The following ZDHHC7 variants were observed in gnomAD, a reference collection of about 807,000 sequenced individuals.
The protein encoded by ZDHHC7 is zDHHC palmitoyltransferase 7.
In ZDHHC7, 12 loss-of-function variants were observed where a neutral mutation model predicts 34.1. That is an observed-to-expected ratio of 0.35 (90% CI 0.23 to 0.57). ZDHHC7 has a LOEUF of 0.57. ZDHHC7 is among the 20% of genes least tolerant of loss of function. The pLI is 0.84. For synonymous variants in ZDHHC7, 185 were observed against 155.4 expected (o/e 1.19, Z -1.42); for missense variants, 388 against 402.7 (o/e 0.96, Z 0.31).
chr16:85,022,943 G>C, the ZDHHC7 span, among the ~76,000 whole-genome samples: 1 of 152,198 alleles, frequency 6.6e-6, no homozygotes, highest in Non-Finnish European at 1.5e-5. Flanking sequence ...TGTCTTAAAG[G>C]ACAAAGAAAA....
chr16:84,986,900 C>G (rs2072443777), intron 3 of ZDHHC7, among the ~76,000 whole-genome samples: 1 of 152,188 alleles, frequency 6.6e-6, no homozygotes, highest in African/African-American at 2.4e-5. Context: ...AAGACATGAT[C>G]TGTGGAGAGA....
chr16:85,022,183 G>C, the ZDHHC7 span, among the ~76,000 whole-genome samples: 1 of 150,682 alleles, frequency 6.6e-6, no homozygotes, highest in Non-Finnish European at 1.5e-5. Flanking sequence ...GGCAAAGACA[G>C]ATACAGGGAA....
chr16:84,985,951 TCA>T (rs2072430773), intron 3 of ZDHHC7, among the ~76,000 whole-genome samples: 1 of 34,888 alleles, frequency 2.9e-5, no homozygotes. Context: ...TGAGACTGTC[TCA>T]AAAAAAAAAA....
intron 4 of ZDHHC7, 21 bp downstream of exon 4, chr16:84,981,849 T>G (rs2072373322): frequency 1.2e-6 from 2 of 1,613,588 alleles, no homozygotes; most frequent in East Asian, 4.5e-5. Context: ...GCGCTCGGGT[T>G]TAATACAGCA....
chr16:84,985,807 T>C (rs933455876), intron 3 of ZDHHC7, among the ~76,000 whole-genome samples: 11 of 151,850 alleles, frequency 7.2e-5, no homozygotes, highest in Admixed American at 3.3e-4. Flanking sequence ...ATACAAAAAC[T>C]AGCCGGGCAT....
At chr16:84,988,462 A>G (rs936781752) in intron 3 of ZDHHC7, among the ~76,000 whole-genome samples, 1 of 152,180 alleles carries the variant, frequency 6.6e-6, no homozygotes, top group Non-Finnish European at 1.5e-5. Flanking sequence ...CTCCCTCAGT[A>G]TGTTCCATTC....
intron 1 of ZDHHC7, among the ~76,000 whole-genome samples, chr16:85,001,786 G>C (rs572549176): frequency 2.4e-4 from 37 of 152,218 alleles, no homozygotes; most frequent in Non-Finnish European, 1.5e-5. Context: ...TAGTTGCCCA[G>C]GCTGCTCTTG....
At chr16:84,988,495 C>T (rs575476936) in intron 3 of ZDHHC7, among the ~76,000 whole-genome samples, 1 of 152,184 alleles carries the variant, frequency 6.6e-6, no homozygotes, top group African/African-American at 2.4e-5. Flanking sequence ...AGTAATACAA[C>T]AAGCAAAAGA....
chr16:84,978,906 T>A, intron 5 of ZDHHC7, among the ~76,000 whole-genome samples: 1 of 150,632 alleles, frequency 6.6e-6, no homozygotes. Flanking sequence ...GGAAATAAAC[T>A]CTAACATACT....
At position 84,977,006 on chromosome 16, in the gene ZDHHC7, CCACAGG is replaced by C. The variant is rs1362685452; in HGVS notation, c.750+83_750+88del. On this transcript the variant is annotated intron_variant, in intron 7 of 7. Transcript: ENST00000313732. Reference sequence around the variant, plus strand: ...CGTCCCATTACGTTCCCGAGTCAGTCCACAGGCACCTATTGTTGACATTAGGACTTT... The same window carrying C: ...CGTCCCATTACGTTCCCGAGTCAGTCCACCTATTGTTGACATTAGGACTTT... 3 of 1,557,734 alleles carry C rather than the reference CCACAGG, an allele frequency of 1.9e-6. No homozygotes were observed. The East Asian group carries it at 6.8e-5, about 35-fold the overall frequency.
In ZDHHC7 at chr16:84,990,371, C is replaced by T; in HGVS notation, c.248G>A (p.Gly83Glu). ...SKDFWYSVVN[G>E]VIFNCLAVLA... is the part of the protein sequence containing the mutation. ...CACGGCCAAGCAGTTAAAGATGACC[C>T]CGTTGACCACAGAGTACCAGAAGTC... Residue 83 changes from glycine to glutamate, a missense_variant, in exon 3 of 8, where the codon GGG (glycine) becomes GAG (glutamate). By Grantham distance (98) the Gly-to-Glu change is moderately conservative. Coordinates refer to ENST00000313732, the MANE Select transcript of ZDHHC7 (RefSeq NM_017740.3). 6.2e-7 allele frequency: 1 copy of T among 1,614,062 alleles called. No individual in the cohort carries two copies. Among genetic ancestry groups the T allele is most frequent in the Non-Finnish European group, 8.5e-7 (1 of 1,180,020 alleles).
chr16:85,002,593 GC>G (rs575511728), intron 1 of ZDHHC7, among the ~76,000 whole-genome samples: 89 of 152,202 alleles, frequency 5.8e-4, no homozygotes, highest in Non-Finnish European at 1.2e-3. Flanking sequence ...GCCAAGAGGG[GC>G]TGACGAGATG....
chr16:85,002,888 G>A (rs533002695), intron 1 of ZDHHC7, among the ~76,000 whole-genome samples: 2 of 151,786 alleles, frequency 1.3e-5, no homozygotes, highest in East Asian at 3.9e-4. Context: ...GGCCTATGGA[G>A]ACCGCAAAAT....
chr16:85,017,645 A>G, the ZDHHC7 span, among the ~76,000 whole-genome samples: 1 of 152,188 alleles, frequency 6.6e-6, no homozygotes, highest in Admixed American at 6.5e-5. Context: ...GACACCCAAC[A>G]ACATGAATCA....
intron 3 of ZDHHC7, chr16:84,988,975 G>A: frequency 1.7e-6 from 2 of 1,196,994 alleles, no homozygotes; most frequent in South Asian, 2.7e-5. Flanking sequence ...AACAAACAAG[G>A]GGTTTCTGCT....
chr16:85,008,292 C>A (rs542922057), intron 1 of ZDHHC7, among the ~76,000 whole-genome samples: 2 of 152,122 alleles, frequency 1.3e-5, no homozygotes, highest in East Asian at 3.9e-4. Flanking sequence ...ATCAATCATG[C>A]CTGCATAATG....
Position 84,975,604 on chromosome 16 carries a change from C to T in ZDHHC7, c.*739G>A, listed in dbSNP as rs773188100. On this transcript the variant is annotated 3_prime_UTR_variant, in exon 8 of 8. Coordinates refer to ENST00000313732, the MANE Select transcript of ZDHHC7 (RefSeq NM_017740.3). ...ATTCATAGTAACCACGGGCAGGACC[C>T]CGCGGCTCTCTCCCCTCTTCCCTGA... 1 of 152,678 alleles carries T rather than the reference C, an allele frequency of 6.5e-6. No homozygotes were observed. Among genetic ancestry groups the T allele is most frequent in the Non-Finnish European group, 1.5e-5 (1 of 68,058 alleles). 9.5% of individuals were successfully genotyped at this position (152,678 alleles called of 1,614,324 possible). A position where few individuals can be genotyped will look rare whatever the true frequency, so the allele number is the denominator to read the frequency against.
the ZDHHC7 span, among the ~76,000 whole-genome samples, chr16:85,024,708 T>C: frequency 6.6e-6 from 1 of 152,114 alleles, no homozygotes. Context: ...ACCACCTCAG[T>C]TTCCTCAGAA....
chr16:84,976,630 G>A lies in ZDHHC7; in HGVS notation c.751-111C>T. 4 of 1,407,200 alleles carry A rather than the reference G, an allele frequency of 2.8e-6. No homozygotes were observed. In the South Asian group the frequency reaches 3.9e-5, roughly 14 times the overall value. 87.2% of individuals were successfully genotyped at this position (1,407,200 alleles called of 1,614,324 possible). A position where few individuals can be genotyped will look rare whatever the true frequency, so the allele number is the denominator to read the frequency against. On this transcript the variant is annotated intron_variant, in intron 7 of 7. Transcript: ENST00000313732. Reference sequence around the variant, plus strand: ...CACAGTGTGGGCTCGATGGAGGGTAGGTGAGTGAACTCTCCTTCCCAGCTC... The same window carrying A: ...CACAGTGTGGGCTCGATGGAGGGTAAGTGAGTGAACTCTCCTTCCCAGCTC...
Sources: gnomAD v4.1 joint callset for allele counts (sites outside exome capture counted in the v4.1 genomes callset) on GRCh38, gnomAD v4.1.1 for gene constraint, MANE v1.5 for transcripts, NCBI Gene and HGNC (gene_info 2026-07-23, HGNC 2026-07-21) for gene names.